FRA10AC1: variants seen among roughly 807,000 people sequenced by gnomAD.
The protein encoded by FRA10AC1 is protein FRA10AC1.
In FRA10AC1, 43 loss-of-function variants were observed where a neutral mutation model predicts 56.5. That is an observed-to-expected ratio of 0.76 (90% CI 0.60 to 0.98). The LOEUF (loss-of-function observed/expected upper bound fraction) is 0.98, where lower values mean the gene tolerates loss of function less well. Among genes scored for constraint, FRA10AC1 ranks in the 50% least tolerant of loss-of-function variants. The pLI, the probability that FRA10AC1 is intolerant of heterozygous loss-of-function variation, is 0.00. For synonymous variants in FRA10AC1, 112 were observed against 110.5 expected (o/e 1.01, Z -0.09); for missense variants, 346 against 351.8 (o/e 0.98, Z 0.13).
At position 93,687,434 on chromosome 10, in the gene FRA10AC1, G is replaced by A. The variant is rs199549545; in HGVS notation, c.481C>T (p.Arg161Ter). The change falls in exon 8 of 14, where the codon CGA becomes TGA. Residue 161 changes from arginine (R) to a stop codon, truncating the protein, a stop_gained. Transcript: ENST00000359204. LOFTEE classifies it high-confidence loss of function. ...CCTGAAATTACTTCTTTTTCTACTC[G>A]CCACCTAAATCCAAACTGATAATAA... ...YKENKFGFRWRVEKEVISGKG... is the reference protein window; with the variant it reads ...YKENKFGFRW 103 of 1,505,088 alleles carry A rather than the reference G, an allele frequency of 6.8e-5. No individual in the cohort carries two copies. The highest frequency in any genetic ancestry group is 7.9e-5 in the Non-Finnish European group (88 of 1,110,858). The allele number at this position is 1,505,088 out of a possible 1,614,324, so 93.2% of individuals were successfully genotyped here.
chr10:93,702,681 A>G, upstream of FRA10AC1: 1 of 228,248 alleles, frequency 4.4e-6, no homozygotes, highest in South Asian at 4.7e-5. Flanking sequence ...TCCGGGAAAC[A>G]AGGGCAGCGG....
At chr10:93,685,920 C>T (rs1302083389) in intron 8 of FRA10AC1, among the ~76,000 whole-genome samples, 1 of 151,774 alleles carries the variant, frequency 6.6e-6, no homozygotes, top group Non-Finnish European at 1.5e-5. Flanking sequence ...GTACAATACG[C>T]AGTCAAACCT....
intron 11 of FRA10AC1, among the ~76,000 whole-genome samples, chr10:93,678,598 A>G (rs967944789): frequency 6.6e-6 from 1 of 152,110 alleles, no homozygotes; most frequent in African/African-American, 2.4e-5. Flanking sequence ...TGGGGGGCCA[A>G]GGTGAGAGAA....
chr10:93,698,449 A>G, intron 2 of FRA10AC1, 53 bp from the exon 3 acceptor site: 1 of 1,020,266 alleles, frequency 9.8e-7, no homozygotes, highest in Non-Finnish European at 1.5e-6. Context: ...GTTATTTTCT[A>G]ATTCTTTATA....
chr10:93,696,089 T>C (rs1003012114), intron 4 of FRA10AC1, among the ~76,000 whole-genome samples: 19 of 152,200 alleles, frequency 1.2e-4, no homozygotes, highest in African/African-American at 4.3e-4. Context: ...CTATTCCTCA[T>C]ACTAATAACA....
At position 93,702,522 on chromosome 10, in the gene FRA10AC1, ACCGCCGCCGCCG is replaced by A. The variant is rs139811637; in HGVS notation, c.-160_-149del. The A allele has an allele frequency of 9.7e-5, 21 of 216,030 alleles. No individual in the cohort carries two copies. Among genetic ancestry groups the A allele is most frequent in the African/African-American group, 2.0e-4 (8 of 41,024 alleles). The allele number at this position is 216,030 out of a possible 1,614,324, so 13.4% of individuals were successfully genotyped here. A position where few individuals can be genotyped will look rare whatever the true frequency, so the allele number is the denominator to read the frequency against. On this transcript the variant is annotated 5_prime_UTR_variant, in exon 1 of 14. Transcript: ENST00000359204. ...GCCGCACAGCCTCGCCACAACCACC[ACCGCCGCCGCCG>A]CCGCCGCCGCCGCCCGCAACCCGCC...
intron 9 of FRA10AC1, 38 bp downstream of exon 9, chr10:93,685,208 T>C: frequency 1.1e-6 from 1 of 879,380 alleles, no homozygotes. Context: ...AAGACAAACT[T>C]GGAAGAATCA....
intron 2 of FRA10AC1, 114 bp downstream of exon 2, chr10:93,699,916 G>A (rs1402564961): frequency 1.6e-6 from 1 of 615,742 alleles, no homozygotes; most frequent in East Asian, 3.0e-5. Context: ...TCATTCACTA[G>A]AGCAATTGTC....
intron 1 of FRA10AC1, among the ~76,000 whole-genome samples, chr10:93,700,621 C>T (rs1156510014): frequency 2.0e-5 from 3 of 152,116 alleles, no homozygotes; most frequent in Admixed American, 2.0e-4. Context: ...TTGATTCCTG[C>T]GCCCACAATT....
intron 7 of FRA10AC1, among the ~76,000 whole-genome samples, chr10:93,691,549 TGAAATG>T (rs2059124615): frequency 6.6e-6 from 1 of 152,202 alleles, no homozygotes; most frequent in Admixed American, 6.5e-5. Context: ...TAGCACTGAT[TGAAATG>T]TTAATTTTAC....
At chr10:93,678,942 G>A (rs1269667025) in intron 11 of FRA10AC1, among the ~76,000 whole-genome samples, 2 of 152,108 alleles carry the variant, frequency 1.3e-5, no homozygotes, top group Non-Finnish European at 2.9e-5. Context: ...CAGCTGAGAT[G>A]TTAAGCGTTT....
chr10:93,692,569 T>C, intron 6 of FRA10AC1, 77 bp downstream of exon 6: 1 of 882,578 alleles, frequency 1.1e-6, no homozygotes. Flanking sequence ...CTGAACACCT[T>C]GACTAAAAAA....
intron 5 of FRA10AC1, among the ~76,000 whole-genome samples, chr10:93,694,008 A>G (rs1427482869): frequency 2.0e-5 from 3 of 151,986 alleles, no homozygotes; most frequent in Non-Finnish European, 4.4e-5. Context: ...GTGCACTAAA[A>G]TCTCAGAAAT....
chr10:93,678,328 A>G (rs985776536), intron 11 of FRA10AC1, among the ~76,000 whole-genome samples: 5 of 148,620 alleles, frequency 3.4e-5, no homozygotes, highest in African/African-American at 1.3e-4. Flanking sequence ...TCAGCTACTG[A>G]TCTTTCTTAT....
intron 8 of FRA10AC1, among the ~76,000 whole-genome samples, chr10:93,685,626 C>T (rs546492610): frequency 4.0e-5 from 6 of 151,414 alleles, no homozygotes; most frequent in African/African-American, 1.5e-4. Flanking sequence ...GAATCTTACA[C>T]TTTGGAAAGA....
intron 2 of FRA10AC1, among the ~76,000 whole-genome samples, chr10:93,699,723 A>C (rs750540477): frequency 1.2e-4 from 18 of 152,240 alleles, no homozygotes; most frequent in Non-Finnish European, 2.5e-4. Flanking sequence ...TTACAAATAA[A>C]CAGTCCTTGA....
At chr10:93,673,711 GAT>G in intron 12 of FRA10AC1, 1 of 410,022 alleles carries the variant, frequency 2.4e-6, no homozygotes, top group Non-Finnish European at 4.8e-6. Context: ...TGATAACAAT[GAT>G]AGCTACAGGT....
At chr10:93,698,105 T>C (rs771540472) in intron 4 of FRA10AC1, 31 bp downstream of exon 4, 1 of 1,301,938 alleles carries the variant, frequency 7.7e-7, no homozygotes, top group Non-Finnish European at 1.1e-6. Context: ...ATTCTACTAG[T>C]TATAAAAATC....
chr10:93,696,664 T>C (rs949709204), intron 4 of FRA10AC1, among the ~76,000 whole-genome samples: 4 of 152,234 alleles, frequency 2.6e-5, no homozygotes, highest in Admixed American at 1.3e-4. Flanking sequence ...TGTATGTTTA[T>C]TGCAGCACTA....
Sources: allele counts gnomAD v4.1 joint callset (sites outside exome capture counted in the v4.1 genomes callset), GRCh38; gene constraint gnomAD v4.1.1; transcripts MANE v1.5; gene names NCBI Gene and HGNC (gene_info 2026-07-23, HGNC 2026-07-21).